DLG2: variants seen among roughly 807,000 people sequenced by gnomAD.
The protein encoded by DLG2 is disks large homolog 2.
Under a neutral mutation model 132.5 loss-of-function variants are expected in DLG2, and 45 were observed. The ratio of observed to expected loss-of-function variants is 0.34; its 90% CI spans 0.27 to 0.44. The LOEUF (loss-of-function observed/expected upper bound fraction) is 0.44. DLG2 is among the 20% of genes least tolerant of loss of function. The probability of loss-of-function intolerance (pLI) is 1.00; values close to 1 mark genes in which losing one functional copy is unlikely to be tolerated. For synonymous variants in DLG2, 424 were observed against 419.6 expected, an observed-to-expected ratio of 1.01 and a Z score of -0.13; for missense variants, 1,045 against 1,196.9, an observed-to-expected ratio of 0.87 and a Z score of 1.87.
At chr11:83,851,414 C>T (rs188437682) in intron 16 of DLG2, among the ~76,000 whole-genome samples, 12 of 151,280 alleles carry the variant, frequency 7.9e-5, no homozygotes, top group Admixed American at 5.3e-4. Context: ...CACCTGAGGT[C>T]GGGAGTTCGA....
At chr11:83,770,265 G>GTTTTTTGTTTT (rs767653576) in intron 18 of DLG2, among the ~76,000 whole-genome samples, 3 of 128,772 alleles carry the variant, frequency 2.3e-5, no homozygotes, top group African/African-American at 9.8e-5. Context: ...GTTTTTTTTT[G>GTTTTTTGTTTT]TTTTTTTGCT....
chr11:85,127,216 G>A (rs1253243810), intron 5 of DLG2, among the ~76,000 whole-genome samples: 3 of 150,836 alleles, frequency 2.0e-5, no homozygotes, highest in Admixed American at 6.6e-5. Flanking sequence ...CTTGAAATGT[G>A]CAATTCATTC....
intron 6 of DLG2, among the ~76,000 whole-genome samples, chr11:84,554,443 T>C (rs1423689872): frequency 6.6e-6 from 1 of 152,072 alleles, no homozygotes; most frequent in Admixed American, 6.6e-5. Flanking sequence ...GTGACTAACA[T>C]AATTTAAAAA....
intron 10 of DLG2, among the ~76,000 whole-genome samples, chr11:84,086,757 T>C (rs899124625): frequency 1.3e-5 from 2 of 152,178 alleles, no homozygotes; most frequent in African/African-American, 4.8e-5. Context: ...CCCAAGGTGC[T>C]GGGACTGCAG....
intron 6 of DLG2, among the ~76,000 whole-genome samples, chr11:84,763,592 T>C (rs1227922625): frequency 6.6e-6 from 1 of 152,148 alleles, no homozygotes; most frequent in Non-Finnish European, 1.5e-5. Context: ...TCTCATTTTT[T>C]CTATCTGGGG....
chr11:83,534,663 G>A (rs1196449636), intron 20 of DLG2, among the ~76,000 whole-genome samples: 1 of 152,158 alleles, frequency 6.6e-6, no homozygotes, highest in Non-Finnish European at 1.5e-5. Context: ...GGCCGGGTGC[G>A]GTGGCTCACG....
intron 4 of DLG2, among the ~76,000 whole-genome samples, chr11:85,231,986 C>T (rs1369905298): frequency 6.6e-6 from 1 of 151,736 alleles, no homozygotes; most frequent in Non-Finnish European, 1.5e-5. Context: ...ATTTCCTATG[C>T]AGATTATTGG....
At chr11:84,592,174 G>C (rs1316981192) in intron 6 of DLG2, among the ~76,000 whole-genome samples, 1 of 152,144 alleles carries the variant, frequency 6.6e-6, no homozygotes, top group Non-Finnish European at 1.5e-5. Context: ...AGGAATTTTA[G>C]AGCTCACCGG....
At chr11:84,402,617 G>A (rs2098833565) in intron 7 of DLG2, among the ~76,000 whole-genome samples, 1 of 151,692 alleles carries the variant, frequency 6.6e-6, no homozygotes, top group Non-Finnish European at 1.5e-5. Context: ...CGGGGCTCAC[G>A]CCTGTAATTT....
At chr11:84,491,872 T>C (rs2099166113) in intron 7 of DLG2, among the ~76,000 whole-genome samples, 1 of 152,130 alleles carries the variant, frequency 6.6e-6, no homozygotes, top group African/African-American at 2.4e-5. Flanking sequence ...TGTGGCCCGG[T>C]CATTGATTAA....
intron 16 of DLG2, among the ~76,000 whole-genome samples, chr11:83,863,787 G>A (rs1220121798): frequency 2.6e-5 from 4 of 152,132 alleles, no homozygotes; most frequent in Admixed American, 2.6e-4. Context: ...GAATTTAAAT[G>A]AAGTTACAGA....
chr11:84,636,746 A>G (rs2099641047), intron 6 of DLG2, among the ~76,000 whole-genome samples: 1 of 151,808 alleles, frequency 6.6e-6, no homozygotes. Context: ...TGGAGAAAAA[A>G]GTTATAAACT....
intron 27 of DLG2, 65 bp from the exon 28 acceptor site, chr11:83,459,989 A>G: frequency 2.2e-6 from 2 of 894,926 alleles, no homozygotes; most frequent in Non-Finnish European, 3.6e-6. Context: ...AACAATCATC[A>G]CTTACACATT....
intron 4 of DLG2, among the ~76,000 whole-genome samples, chr11:85,237,059 C>T (rs1378585367): frequency 6.6e-6 from 1 of 152,050 alleles, no homozygotes; most frequent in Non-Finnish European, 1.5e-5. Context: ...ACAATCTGCA[C>T]ACATGAACAC....
At chr11:84,766,477 G>C (rs2068432318) in intron 6 of DLG2, among the ~76,000 whole-genome samples, 2 of 152,014 alleles carry the variant, frequency 1.3e-5, no homozygotes, top group Admixed American at 1.3e-4. Flanking sequence ...AATTAGAATG[G>C]ATGCTGCTTA....
intron 6 of DLG2, among the ~76,000 whole-genome samples, chr11:84,791,069 G>A (rs986493688): frequency 6.6e-6 from 1 of 152,176 alleles, no homozygotes; most frequent in African/African-American, 2.4e-5. Context: ...AGGGGAAGCA[G>A]GCATGTCTTA....
chr11:85,382,088 T>C (rs990402314), intron 3 of DLG2, among the ~76,000 whole-genome samples: 7 of 152,144 alleles, frequency 4.6e-5, no homozygotes, highest in Admixed American at 4.6e-4. Context: ...TTGAAAAAGA[T>C]GAACAAAGTT....
chr11:84,536,200 C>T (rs1289650727), intron 6 of DLG2, among the ~76,000 whole-genome samples: 3 of 152,090 alleles, frequency 2.0e-5, no homozygotes, highest in Admixed American at 2.0e-4. Context: ...AAACTTGTTC[C>T]ATTGCAATCA....
rs574327553 is a variant in DLG2, at chr11:84,926,696, C to A, written c.357+184965G>T. On this transcript the variant is annotated intron_variant, in intron 6 of 27. Transcript: ENST00000376104. Reference sequence around the variant, plus strand: ...TTTATACCTCTATACTATAGGAAATCATTCACAATGAACAACTTATCCAAT... The same window carrying A: ...TTTATACCTCTATACTATAGGAAATAATTCACAATGAACAACTTATCCAAT... 7.9e-4 allele frequency among the ~76,000 whole-genome samples: 120 copies of A among 151,906 alleles called. 1 individual carries two copies. Among genetic ancestry groups the A allele is most frequent in the Middle Eastern group, 3.4e-3 (1 of 292 alleles).
Sources: allele counts gnomAD v4.1 joint callset (sites outside exome capture counted in the v4.1 genomes callset), GRCh38; gene constraint gnomAD v4.1.1; transcripts MANE v1.5; gene names NCBI Gene and HGNC (gene_info 2026-07-23, HGNC 2026-07-21).